Variants in MALRD1 observed in about 807,000 individuals in gnomAD.
The protein encoded by MALRD1 is MAM and LDL-receptor class A domain-containing protein 1.
Under a neutral mutation model 242.1 loss-of-function variants are expected in MALRD1, and 247 were observed. The observed-to-expected ratio is 1.02, with a 90% CI of 0.92 to 1.13. The LOEUF (loss-of-function observed/expected upper bound fraction) is 1.13. Ranked by LOEUF, MALRD1 falls within the 50% of genes most tolerant of loss-of-function variation. The probability of loss-of-function intolerance (pLI) is 0.00; values close to 1 mark genes in which losing one functional copy is unlikely to be tolerated. For missense variants in MALRD1, 2,989 were observed against 2,533.1 expected (o/e 1.18, Z -3.86); for synonymous variants, 995 against 866.6 (o/e 1.15, Z -2.60).
chr10:19,054,863 G>C (rs1429008484), intron 1 of MALRD1, among the ~76,000 whole-genome samples: 3 of 152,116 alleles, frequency 2.0e-5, no homozygotes, highest in Admixed American at 2.0e-4. Flanking sequence ...ATAAACATAG[G>C]AGTGCAGATA....
intron 35 of MALRD1, 78 bp downstream of exon 35, chr10:19,607,980 T>G (rs1564480912): frequency 1.3e-6 from 2 of 1,500,370 alleles, no homozygotes; most frequent in East Asian, 5.0e-5. Flanking sequence ...TATTAAAACT[T>G]GAGGTTCTAA....
intron 12 of MALRD1, among the ~76,000 whole-genome samples, chr10:19,165,265 A>ATATATATATATT: frequency 2.3e-5 from 3 of 130,284 alleles, no homozygotes; most frequent in African/African-American, 9.7e-5. Flanking sequence ...ATATATATAT[A>ATATATATATATT]TTTTGTTTTG....
rs571991910 is a variant in MALRD1, at chr10:19,674,792, A to G, written c.6138-17490A>G. 4.1e-4 allele frequency among the ~76,000 whole-genome samples: 63 copies of G among 152,158 alleles called. No homozygotes were observed. The Middle Eastern group carries it at 0.01, about 25-fold the overall frequency. ...TCACCTTAAAACAAGACTGGTTTCT[A>G]TTGACTTGCAGCCATTTTCAATTGC... On this transcript the variant is annotated intron_variant, in intron 36 of 39. Coordinates refer to ENST00000454679, the MANE Select transcript of MALRD1 (RefSeq NM_001142308.3).
chr10:19,239,860 G>A (rs1002759161), intron 18 of MALRD1, among the ~76,000 whole-genome samples: 14 of 152,106 alleles, frequency 9.2e-5, no homozygotes, highest in African/African-American at 3.4e-4. Flanking sequence ...TGGTCTATGT[G>A]TTTGCTTTAT....
intron 21 of MALRD1, among the ~76,000 whole-genome samples, chr10:19,302,490 G>A (rs1030587267): frequency 6.6e-6 from 1 of 151,816 alleles, no homozygotes; most frequent in African/African-American, 2.4e-5. Flanking sequence ...CTACAACATG[G>A]ATGAACGTTG....
At position 19,567,525 on chromosome 10, in the gene MALRD1, G is replaced by T. The variant is rs945495452; in HGVS notation, c.5502G>T (p.Gly1834=). 1 of 1,550,382 alleles carries T rather than the reference G, an allele frequency of 6.5e-7. No individual in the cohort carries two copies. Among genetic ancestry groups the T allele is most frequent in the Admixed American group, 2.0e-5 (1 of 50,988 alleles). ...AGGTGTATACCATTGAAGAATCGGG[G>T]CTAAACATCCTGGTGTGGTCAGTGA... is the stretch of plus-strand genomic sequence containing the variant. ...ILKVYTIEES[G]LNILVWSVIG... Residue 1834 remains glycine (G), a synonymous_variant, in exon 33 of 40, where the codon GGG becomes GGT. Transcript: ENST00000454679.
chr10:19,655,159 A>G (rs188833892), intron 36 of MALRD1, among the ~76,000 whole-genome samples: 6 of 152,188 alleles, frequency 3.9e-5, no homozygotes, highest in Admixed American at 2.6e-4. Context: ...AGAAACATGC[A>G]TATGTTGTTT....
intron 27 of MALRD1, 84 bp downstream of exon 27, chr10:19,387,857 C>T: frequency 3.5e-6 from 5 of 1,447,460 alleles, no homozygotes; most frequent in Non-Finnish European, 4.6e-6. Context: ...AACTGGGGAG[C>T]TCTGAAGAGA....
intron 33 of MALRD1, among the ~76,000 whole-genome samples, chr10:19,586,840 C>T (rs544477830): frequency 3.9e-5 from 6 of 152,362 alleles, no homozygotes; most frequent in African/African-American, 1.4e-4. Context: ...TGCCGCCTTG[C>T]AGTTTGATCT....
intron 29 of MALRD1, among the ~76,000 whole-genome samples, chr10:19,468,761 C>G (rs1017641163): frequency 2.0e-5 from 3 of 152,016 alleles, no homozygotes; most frequent in African/African-American, 4.8e-5. Context: ...TTTACAAGAT[C>G]CCAGAAAACC....
chr10:19,358,380 A>G (rs1011691378), intron 26 of MALRD1, among the ~76,000 whole-genome samples: 2 of 152,152 alleles, frequency 1.3e-5, no homozygotes, highest in Non-Finnish European at 2.9e-5. Flanking sequence ...TTTCTCTGCA[A>G]TATTTAGCAG....
intron 10 of MALRD1, among the ~76,000 whole-genome samples, chr10:19,145,831 C>T (rs926987504): frequency 6.6e-6 from 1 of 151,900 alleles, no homozygotes; most frequent in African/African-American, 2.4e-5. Context: ...ATTTAAACTT[C>T]CCCCTTCCCA....
chr10:19,209,217 A>G, intron 17 of MALRD1, 51 bp from the exon 18 acceptor site: 4 of 1,398,762 alleles, frequency 2.9e-6, no homozygotes, highest in Non-Finnish European at 2.8e-6. Context: ...ATGTGGTTGC[A>G]TGTATTTTTG....
Position 19,257,672 on chromosome 10 carries a change from TTA to T in MALRD1, c.2992-10_2992-9del. ...ACATTTCTTATTTTTATTTTTTATTTTATTTTTTTAGATATTGGTGGAGGCTT... is the reference window on the plus strand; with the variant it reads ...ACATTTCTTATTTTTATTTTTTATTTTTTTTTTAGATATTGGTGGAGGCTT... On this transcript the variant is annotated splice_polypyrimidine_tract_variant and intron_variant, in intron 18 of 39. Transcript: ENST00000454679. The T allele has an allele frequency of 6.6e-7, 1 of 1,506,624 alleles. No homozygotes were observed. The highest frequency in any genetic ancestry group is 1.3e-5 in the South Asian group (1 of 78,312). 93.3% of individuals were successfully genotyped at this position (1,506,624 alleles called of 1,614,324 possible).
chr10:19,583,911 T>C (rs1293874300), intron 33 of MALRD1, among the ~76,000 whole-genome samples: 1 of 152,208 alleles, frequency 6.6e-6, no homozygotes, highest in Non-Finnish European at 1.5e-5. Flanking sequence ...CTCCTGTTAT[T>C]GGTCTATTCA....
chr10:19,261,533 G>A (rs1395514111), intron 19 of MALRD1, among the ~76,000 whole-genome samples: 1 of 147,570 alleles, frequency 6.8e-6, no homozygotes, highest in Non-Finnish European at 1.5e-5. Flanking sequence ...AATCATGCTT[G>A]TAACTTCACT....
chr10:19,596,575 A>G (rs778860578), intron 34 of MALRD1, among the ~76,000 whole-genome samples: 52 of 151,912 alleles, frequency 3.4e-4, no homozygotes, highest in Admixed American at 1.2e-3. Context: ...CAAAAATAGC[A>G]ATAGTAATAA....
intron 30 of MALRD1, among the ~76,000 whole-genome samples, chr10:19,493,039 A>T (rs980609599): frequency 6.6e-6 from 1 of 152,196 alleles, no homozygotes; most frequent in East Asian, 1.9e-4. Context: ...ACCATTTAAA[A>T]TGTATAATTT....
intron 24 of MALRD1, among the ~76,000 whole-genome samples, chr10:19,340,902 A>G (rs1843817722): frequency 6.6e-6 from 1 of 152,118 alleles, no homozygotes; most frequent in African/African-American, 2.4e-5. Flanking sequence ...GACTCACTAA[A>G]TCATAAACTT....
Sources: allele counts gnomAD v4.1 joint callset (sites outside exome capture counted in the v4.1 genomes callset), GRCh38; gene constraint gnomAD v4.1.1; transcripts MANE v1.5; gene names NCBI Gene and HGNC (gene_info 2026-07-23, HGNC 2026-07-21).